The following EIF2D variants were observed in gnomAD, a reference collection of about 807,000 sequenced individuals.
EIF2D encodes the protein eukaryotic translation initiation factor 2D, also known as hepatocellular carcinoma-associated antigen 56.
In EIF2D, 56 loss-of-function variants were observed where a neutral mutation model predicts 77.4. The observed-to-expected ratio is 0.72, with a 90% confidence interval of 0.58 to 0.90. The LOEUF (loss-of-function observed/expected upper bound fraction) is 0.90, where lower values mean the gene tolerates loss of function less well. EIF2D is among the 40% of genes least tolerant of loss of function. The pLI is 0.00. For synonymous variants in EIF2D, 230 were observed against 271.0 expected, an observed-to-expected ratio of 0.85 and a Z score of 1.49; for missense variants, 574 against 706.5, an observed-to-expected ratio of 0.81 and a Z score of 2.13.
chr1:206,602,036 G>A (rs3813973), intron 7 of EIF2D: 75,592 of 316,752 alleles, frequency 0.24, 9,681 homozygotes, highest in African/African-American at 0.26. Flanking sequence ...CGATTTGTGA[G>A]GTTGCCCAGA....
chr1:206,571,978 G>T (rs747683996), intron 5 of EIF2D, among the ~76,000 whole-genome samples: 1 of 152,120 alleles, frequency 6.6e-6, no homozygotes, highest in Non-Finnish European at 1.5e-5. Context: ...AGCTAAAAAG[G>T]GGGCTTCATG....
chr1:206,606,695 A>C (rs1420972568), intron 4 of EIF2D, among the ~76,000 whole-genome samples: 1 of 152,210 alleles, frequency 6.6e-6, no homozygotes, highest in African/African-American at 2.4e-5. Context: ...ATCTTTGAAC[A>C]CTGACCCCTC....
rs570039354 is a variant in EIF2D, at chr1:206,584,664, G to A, written c.139-3502C>T. On this transcript the variant is annotated intron_variant and NMD_transcript_variant, in intron 2 of 5. Transcript: ENST00000472709. This position sits in a 1 kb window ranked among gnomAD's most constrained non-coding sequence, Gnocchi z 4.9. ...CCCCAGAAGTTTGCACTTTTTAAGC[G>A]GATACACAAGGACGGACAAGGTAGG... 3.7e-5 allele frequency: 60 copies of A among 1,614,192 alleles called. No individual in the cohort carries two copies. Among genetic ancestry groups the A allele is most frequent in the East Asian group, 1.3e-4 (6 of 44,880 alleles).
rs1669969650 is a variant in EIF2D, at chr1:206,602,400, C to T, written c.838G>A (p.Val280Ile). 1 of 1,614,104 alleles carries T rather than the reference C, an allele frequency of 6.2e-7. No individual in the cohort carries two copies. The highest frequency in any genetic ancestry group is 1.3e-5 in the African/African-American group (1 of 74,934). ...QCFLHALKCRVKKADLPLLTS... is the reference protein window; with the variant it reads ...QCFLHALKCRIKKADLPLLTS... ...AGTAAAGGGAGGTCAGCCTTTTTGA[C>T]TCGGCACTTCAAGGCATGTAAGAAG... The change falls in exon 7 of 15, where the codon GTC becomes ATC. Residue 280 changes from valine (V) to isoleucine (I), a missense_variant. Transcript: ENST00000271764.
At chr1:206,588,824 TG>T (rs1304700745), downstream of EIF2D, 1 of 152,750 alleles carries the variant, frequency 6.5e-6, no homozygotes, top group African/African-American at 2.4e-5. Context: ...AGGGAGCAGG[TG>T]GAGAGTCATT....
At chr1:206,578,964 G>A (rs565793167) in intron 4 of EIF2D, among the ~76,000 whole-genome samples, 12 of 152,288 alleles carry the variant, frequency 7.9e-5, no homozygotes, top group Non-Finnish European at 1.5e-4. Context: ...GGCCCCAGAC[G>A]AAAGGGGTAT....
downstream of EIF2D, among the ~76,000 whole-genome samples, chr1:206,569,660 T>A (rs984964469): frequency 3.3e-5 from 5 of 152,236 alleles, no homozygotes; most frequent in African/African-American, 4.8e-5. Context: ...CTTAGTTTGC[T>A]CTAGAATGTG....
chr1:206,601,219 G>A (rs1371035015), intron 7 of EIF2D: 2 of 152,150 alleles, frequency 1.3e-5, no homozygotes, highest in African/African-American at 2.4e-5. Flanking sequence ...AGTATAAATG[G>A]GAAGACATTA....
intron 5 of EIF2D, chr1:206,604,711 C>T (rs35121745): frequency 0.22 from 28,526 of 132,174 alleles, 3,326 homozygotes; most frequent in Middle Eastern, 0.44. Flanking sequence ...CCAACCTGGG[C>T]GACAGAGCGA....
chr1:206,593,220 T>C (rs1446817565), intron 14 of EIF2D, among the ~76,000 whole-genome samples: 1 of 152,156 alleles, frequency 6.6e-6, no homozygotes, highest in East Asian at 1.9e-4. Flanking sequence ...TGGGCCTCAG[T>C]TTCCTCATCT....
At chr1:206,585,402 C>G (rs1370753149) in intron 2 of EIF2D, 4 of 800,012 alleles carry the variant, frequency 5.0e-6, no homozygotes, top group Non-Finnish European at 6.6e-6. Context: ...GCAGCACGGG[C>G]AGGAAGGTGA....
At chr1:206,587,304 C>G (rs190909036), downstream of EIF2D, 183 of 358,164 alleles carry the variant, frequency 5.1e-4, 1 homozygote, top group Admixed American at 6.3e-3. Flanking sequence ...CTCACACCAG[C>G]CGGCAAAGGA....
Position 206,576,978 on chromosome 1 carries a change from A to ATT in EIF2D, c.*254+3712_*254+3713dup, listed in dbSNP as rs36057143. On this transcript the variant is annotated intron_variant and NMD_transcript_variant, in intron 4 of 5. Transcript: ENST00000472709. ...TTCACTGTGCCCAGCTAATTTTTGT[A>ATT]TTTTTTTTTTTTTGTAGAGACAGGG... is the stretch of plus-strand genomic sequence containing the variant. 6.6e-3 allele frequency among the ~76,000 whole-genome samples: 958 copies of ATT among 145,262 alleles called. 7 individuals carry two copies. Among genetic ancestry groups the ATT allele is most frequent in the African/African-American group, 0.016 (636 of 39,560 alleles).
chr1:206,602,653 T>C (rs1553411568), intron 6 of EIF2D, 200 bp from the exon 7 acceptor site: 1 of 633,100 alleles, frequency 1.6e-6, no homozygotes, highest in African/African-American at 1.8e-5. Context: ...AGCCACAAAG[T>C]CCCACCAAGC....
At chr1:206,589,179 TCA>T (rs1331274601), downstream of EIF2D, 1 of 152,760 alleles carries the variant, frequency 6.5e-6, no homozygotes, top group African/African-American at 2.4e-5. Context: ...GTTGTGTTGC[TCA>T]GTGTGTAAGT....
intron 2 of EIF2D, among the ~76,000 whole-genome samples, chr1:206,610,424 T>C (rs61815568): frequency 0.35 from 53,083 of 151,878 alleles, 9,467 homozygotes; most frequent in Middle Eastern, 0.47. Flanking sequence ...GAGGCTGAGG[T>C]GGGAGGATCC....
chr1:206,581,824 G>T (rs114654051), intron 2 of EIF2D, among the ~76,000 whole-genome samples: 2,614 of 152,168 alleles, frequency 0.017, 78 homozygotes, highest in African/African-American at 0.06. Context: ...GTTCAGGGTG[G>T]CGTGTCTCCC....
intron 13 of EIF2D, chr1:206,594,411 T>C (rs1553409671): frequency 6.6e-6 from 1 of 152,218 alleles, no homozygotes; most frequent in East Asian, 1.9e-4. Context: ...TATGTGACTT[T>C]GAGATAAAAA....
downstream of EIF2D, among the ~76,000 whole-genome samples, chr1:206,570,739 C>T (rs1553404087): frequency 6.6e-6 from 1 of 152,136 alleles, no homozygotes; most frequent in Admixed American, 6.5e-5. Context: ...ATTTCCTTCC[C>T]TTTCAAGGCT....
Sources: gnomAD v4.1 joint callset for allele counts (sites outside exome capture counted in the v4.1 genomes callset) on GRCh38, gnomAD v4.1.1 for gene constraint, Gnocchi (gnomAD v3.1) non-coding constraint, MANE v1.5 for transcripts, NCBI Gene and HGNC (gene_info 2026-07-23, HGNC 2026-07-21) for gene names.